Variants in PFKFB3 observed in about 807,000 individuals in gnomAD.
The protein encoded by PFKFB3 is 6-phosphofructo-2-kinase/fructose-2,6-biphosphatase 3.
Under a neutral mutation model 68.0 loss-of-function variants are expected in PFKFB3, and 33 were observed. That is an observed-to-expected ratio of 0.49 (90% CI 0.37 to 0.65). The LOEUF (loss-of-function observed/expected upper bound fraction) is 0.65, where lower values mean the gene tolerates loss of function less well. Ranked by LOEUF, PFKFB3 falls within the 30% of genes least tolerant of loss-of-function variation. The pLI is 0.00. For missense variants in PFKFB3, 586 were observed against 712.2 expected, an observed-to-expected ratio of 0.82 and a Z score of 2.02; for synonymous variants, 315 against 288.2, an observed-to-expected ratio of 1.09 and a Z score of -0.94.
upstream of PFKFB3, among the ~76,000 whole-genome samples, chr10:6,201,153 C>G: frequency 6.6e-6 from 1 of 151,912 alleles, no homozygotes; most frequent in East Asian, 1.9e-4. This position sits in a 1 kb window ranked among gnomAD's most constrained non-coding sequence, Gnocchi z 4.1. Context: ...CCTCCCCGAC[C>G]CCCGCGAACC....
chr10:6,188,200 G>A (rs1393018585), intron 1 of PFKFB3, among the ~76,000 whole-genome samples: 1 of 151,888 alleles, frequency 6.6e-6, no homozygotes, highest in East Asian at 1.9e-4. Flanking sequence ...ACTTCAGGGT[G>A]TATTTCCTCA....
At chr10:6,153,780 G>A (rs1268134220) in intron 1 of PFKFB3, among the ~76,000 whole-genome samples, 1 of 151,980 alleles carries the variant, frequency 6.6e-6, no homozygotes, top group Admixed American at 6.6e-5. Context: ...GCTTGAACCT[G>A]GGAGGTGAGG....
the PFKFB3 span, among the ~76,000 whole-genome samples, chr10:6,307,330 TACAC>T: frequency 5.6e-3 from 558 of 99,260 alleles, 5 homozygotes; most frequent in African/African-American, 0.016. Flanking sequence ...GCATGCGTAC[TACAC>T]ACACACACAC....
rs1486413305 is a variant in PFKFB3 at position 6,245,242 on chromosome 10, A to G, written c.1516-8936A>G. On this transcript the variant is annotated intron_variant, in intron 14 of 14. Coordinates refer to the PFKFB3 transcript ENST00000640683. ...CTCCCGAGTAGCTGGGATTACAGGC[A>G]TACGCCACCATGCCTGGCTAATTTT... Among the ~76,000 whole-genome samples, 3 of 151,570 alleles carry G rather than the reference A, an allele frequency of 2.0e-5. No homozygotes were observed. In the East Asian group the frequency reaches 5.8e-4, roughly 29 times the overall value.
chr10:6,151,044 G>C (rs774115258), intron 1 of PFKFB3, among the ~76,000 whole-genome samples: 100 of 152,284 alleles, frequency 6.6e-4, no homozygotes, highest in Non-Finnish European at 1.2e-3. Context: ...CATTCATGAC[G>C]GCAGGGGAAG....
chr10:6,308,018 C>T, the PFKFB3 span, among the ~76,000 whole-genome samples: 2 of 152,152 alleles, frequency 1.3e-5, no homozygotes, highest in Admixed American at 1.3e-4. Context: ...CAGAGAAAAC[C>T]CTCACCAGAT....
In PFKFB3 at chr10:6,215,905, C is replaced by T. The variant is rs576040844; in HGVS notation, c.300-220C>T. Reference sequence around the variant, plus strand: ...CCAGGAGTGGTTCCCGCGTGCAGCCCGGTTTGAGCACCGCCTCCCGAGGGT... The same window carrying T: ...CCAGGAGTGGTTCCCGCGTGCAGCCTGGTTTGAGCACCGCCTCCCGAGGGT... On this transcript the variant is annotated intron_variant, in intron 3 of 14. Transcript: ENST00000379775. The surrounding 1 kb of genome is among the most constrained non-coding windows in gnomAD (Gnocchi z 4.3). Among the ~76,000 whole-genome samples the T allele has an allele frequency of 2.0e-5, 3 of 152,266 alleles. No individual in the cohort carries two copies. Among genetic ancestry groups the T allele is most frequent in the East Asian group, 1.9e-4 (1 of 5,160 alleles).
intron 1 of PFKFB3, among the ~76,000 whole-genome samples, chr10:6,164,874 C>T (rs1842080875): frequency 6.6e-6 from 1 of 152,174 alleles, no homozygotes; most frequent in African/African-American, 2.4e-5. Flanking sequence ...ATATCGCCTA[C>T]AGCCACAGGG....
chr10:6,155,208 T>TTTTC lies in PFKFB3; in HGVS notation c.16+10198_16+10199insCTTT, dbSNP rs201157856. Among the ~76,000 whole-genome samples the TTTTC allele has an allele frequency of 5.5e-5, 8 of 146,630 alleles. No homozygotes were observed. The South Asian group carries it at 1.1e-3, about 20-fold the overall frequency. On this transcript the variant is annotated intron_variant, in intron 1 of 14. Transcript: ENST00000379789. ...AAAAGCACTTACGAGTTTTTTTCTT[T>TTTTC]TTTTTTTTTTTTGAGACGGAGTCCC...
chr10:6,222,907 G>T lies in PFKFB3; in HGVS notation c.1136G>T (p.Arg379Leu). Residue 379 changes from arginine to leucine, a missense_variant, in exon 11 of 15, where the codon CGG becomes CTG. Physicochemically the swap from Arg to Leu is moderately radical, Grantham distance 102. Coordinates refer to ENST00000379775, the MANE Select transcript of PFKFB3 (RefSeq NM_004566.4). ...RLEPVIMELE[R>L]QENVLVICHQ... The stretch of plus-strand genomic sequence containing the variant: ...GAGCCAGTGATCATGGAGCTGGAGC[G>T]GCAGGAGAATGTGCTGGTCATCTGC... The T allele has an allele frequency of 6.2e-7, 1 of 1,613,942 alleles. No homozygotes were observed. The highest frequency in any genetic ancestry group is 8.5e-7 in the Non-Finnish European group (1 of 1,179,932).
chr10:6,279,172 G>T, the PFKFB3 span, among the ~76,000 whole-genome samples: 4 of 152,162 alleles, frequency 2.6e-5, no homozygotes, highest in African/African-American at 9.7e-5. Flanking sequence ...TCCCTCCAAT[G>T]AGGACATATC....
exon 15 of PFKFB3, chr10:6,254,358 A>G: frequency 2.5e-6 from 1 of 398,554 alleles, no homozygotes; most frequent in Middle Eastern, 6.3e-4. Context: ...CTCTGCGGCA[A>G]GCGGCTCCTA....
chr10:6,159,504 G>C (rs1242020631), intron 1 of PFKFB3, among the ~76,000 whole-genome samples: 1 of 151,638 alleles, frequency 6.6e-6, no homozygotes, highest in Non-Finnish European at 1.5e-5. Flanking sequence ...TTTGAGACCA[G>C]CTGTCAAGAA....
In PFKFB3 at chr10:6,206,838, C is replaced by T. The variant is rs868640869; in HGVS notation, c.76+3502C>T. Among the ~76,000 whole-genome samples the T allele has an allele frequency of 8.6e-3, 138 of 16,040 alleles. 4 individuals carry two copies. Among genetic ancestry groups the T allele is most frequent in the Middle Eastern group, 0.036 (1 of 28 alleles). 10.5% of individuals were successfully genotyped at this position (16,040 alleles called of 152,430 possible). ...GCAGAGACGCTCCTCACTTCCCAGA[C>T]GGGGTGGCGGCCGGGCAGAGACGCT... On this transcript the variant is annotated intron_variant, in intron 1 of 14. Coordinates refer to ENST00000379775, the MANE Select transcript of PFKFB3 (RefSeq NM_004566.4).
At chr10:6,312,581 G>C in the PFKFB3 span, among the ~76,000 whole-genome samples, 1 of 152,156 alleles carries the variant, frequency 6.6e-6, no homozygotes, top group Non-Finnish European at 1.5e-5. Context: ...AACAATGTCA[G>C]CTACTAAACA....
At position 6,154,588 on chromosome 10, in the gene PFKFB3, G is replaced by T. The variant is rs78880129; in HGVS notation, c.16+9575G>T. Among the ~76,000 whole-genome samples, 3 of 152,248 alleles carry T rather than the reference G, an allele frequency of 2.0e-5. No individual in the cohort carries two copies. In the South Asian group the frequency reaches 6.2e-4, roughly 32 times the overall value. ...ACACCATAAAACGTCTCCGCCACGG[G>T]TGGCTACTATCCTGAGAGCAGACTG... On this transcript the variant is annotated intron_variant, in intron 1 of 14. Coordinates refer to the PFKFB3 transcript ENST00000379789. This position sits in a 1 kb window ranked among gnomAD's most constrained non-coding sequence, Gnocchi z 4.6.
At position 6,154,412 on chromosome 10, in the gene PFKFB3, A is replaced by T. The variant is rs1270572941; in HGVS notation, c.16+9399A>T. On this transcript the variant is annotated intron_variant, in intron 1 of 14. Coordinates refer to the PFKFB3 transcript ENST00000379789. The surrounding 1 kb of genome is among the most constrained non-coding windows in gnomAD (Gnocchi z 4.6). Reference sequence around the variant, plus strand: ...AGGTGCATGCTACCGCGTCCAGCTAATTTTTTTGTATTTTTAGTAGAGACG... The same window carrying T: ...AGGTGCATGCTACCGCGTCCAGCTATTTTTTTTGTATTTTTAGTAGAGACG... Among the ~76,000 whole-genome samples the T allele has an allele frequency of 1.3e-5, 2 of 151,938 alleles. No individual in the cohort carries two copies. The highest frequency in any genetic ancestry group is 4.8e-5 in the African/African-American group (2 of 41,348).
chr10:6,285,114 G>A, the PFKFB3 span, among the ~76,000 whole-genome samples: 1 of 152,140 alleles, frequency 6.6e-6, no homozygotes, highest in Admixed American at 6.6e-5. Context: ...AGGTGGAATG[G>A]ATGGATCATA....
chr10:6,180,002 G>A (rs756147659), intron 1 of PFKFB3, among the ~76,000 whole-genome samples: 20 of 152,116 alleles, frequency 1.3e-4, no homozygotes, highest in African/African-American at 2.2e-4. Flanking sequence ...GTCCTGAGTC[G>A]AGTTGCTGGA....
Sources: gnomAD v4.1 joint callset for allele counts (sites outside exome capture counted in the v4.1 genomes callset) on GRCh38, gnomAD v4.1.1 for gene constraint, Gnocchi (gnomAD v3.1) non-coding constraint, MANE v1.5 for transcripts, NCBI Gene and HGNC (gene_info 2026-07-23, HGNC 2026-07-21) for gene names.